The following DCAF1 variants were observed in gnomAD, a reference collection of about 807,000 sequenced individuals.
The protein encoded by DCAF1 is DDB1- and CUL4-associated factor 1.
In DCAF1, 15 loss-of-function variants were observed where a neutral mutation model predicts 128.0. That is an observed-to-expected ratio of 0.12 (90% CI 0.08 to 0.18). The LOEUF (loss-of-function observed/expected upper bound fraction) is 0.18, where lower values mean the gene tolerates loss of function less well. DCAF1 is among the 10% of genes least tolerant of loss of function. DCAF1 has a pLI of 1.00. For synonymous variants in DCAF1, 610 were observed against 603.0 expected (o/e 1.01, Z -0.17); for missense variants, 988 against 1,649.5 (o/e 0.60, Z 6.95).
intron 9 of DCAF1, among the ~76,000 whole-genome samples, chr3:51,440,546 T>A (rs1553638337): frequency 6.6e-6 from 1 of 152,188 alleles, no homozygotes; most frequent in African/African-American, 2.4e-5. Context: ...AAAGCCACAG[T>A]GAGCTATGAT....
chr3:51,432,073 C>A (rs1467603961), intron 10 of DCAF1, among the ~76,000 whole-genome samples: 1 of 151,426 alleles, frequency 6.6e-6, no homozygotes, highest in East Asian at 2.0e-4. Context: ...GAGTTCGAGA[C>A]CAGCCTGGCC....
Position 51,470,923 on chromosome 3 carries a change from T to G in DCAF1, c.187+6A>C, listed in dbSNP as rs782006635. 5.0e-6 allele frequency: 8 copies of G among 1,585,498 alleles called. No homozygotes were observed. In the South Asian group the frequency reaches 5.8e-5, roughly 11 times the overall value. On this transcript the variant is annotated splice_donor_region_variant and intron_variant, in intron 4 of 24. Coordinates refer to ENST00000684031, the MANE Select transcript of DCAF1 (RefSeq NM_001387579.1). Reference sequence around the variant, plus strand: ...AAAGACCCACACTTAAGAGCACAAATCTTACCAGGATGTCGATCATCAAAT... The same window carrying G: ...AAAGACCCACACTTAAGAGCACAAAGCTTACCAGGATGTCGATCATCAAAT...
intron 2 of DCAF1, among the ~76,000 whole-genome samples, chr3:51,484,682 C>CTTTTTT (rs1228009412): frequency 2.4e-5 from 3 of 127,070 alleles, no homozygotes; most frequent in South Asian, 2.5e-4. Flanking sequence ...TTAATTTTTT[C>CTTTTTT]TTTTTTTTTT....
At chr3:51,419,572 A>G (rs972328566) in intron 15 of DCAF1, among the ~76,000 whole-genome samples, 162 bp downstream of exon 15, 5 of 152,232 alleles carry the variant, frequency 3.3e-5, no homozygotes, top group African/African-American at 4.8e-5. Flanking sequence ...CAATCACACA[A>G]GGAACCCATG....
At chr3:51,470,332 G>A (rs143499992) in intron 4 of DCAF1, among the ~76,000 whole-genome samples, 6 of 152,270 alleles carry the variant, frequency 3.9e-5, no homozygotes, top group Admixed American at 1.3e-4. Context: ...AGGCCCAGGC[G>A]GGAGGATAGC....
At chr3:51,484,915 T>A (rs1706746843) in intron 2 of DCAF1, among the ~76,000 whole-genome samples, 1 of 148,826 alleles carries the variant, frequency 6.7e-6, no homozygotes, top group Non-Finnish European at 1.5e-5. Flanking sequence ...ACTCCGTTTT[T>A]TGTTTTGTTT....
chr3:51,425,676 C>A (rs1481114213), intron 13 of DCAF1, among the ~76,000 whole-genome samples: 2 of 150,814 alleles, frequency 1.3e-5, no homozygotes, highest in Non-Finnish European at 3.0e-5. Flanking sequence ...AATCCTCCCA[C>A]CTCAGCGTCC....
At chr3:51,418,091 C>T (rs781852875) in intron 17 of DCAF1, 25 bp downstream of exon 17, 4 of 1,601,160 alleles carry the variant, frequency 2.5e-6, no homozygotes, top group Non-Finnish European at 3.4e-6. Flanking sequence ...AAAGCACAGA[C>T]TAGGTTCCAA....
chr3:51,472,784 CCT>C (rs1208562043), intron 3 of DCAF1, among the ~76,000 whole-genome samples: 1 of 151,762 alleles, frequency 6.6e-6, no homozygotes, highest in Admixed American at 6.6e-5. Context: ...GCTGCCTCAG[CCT>C]CTTGAGTAGC....
intron 23 of DCAF1, among the ~76,000 whole-genome samples, chr3:51,410,707 G>T (rs921024378): frequency 6.6e-6 from 1 of 152,224 alleles, no homozygotes; most frequent in Non-Finnish European, 1.5e-5. Context: ...CTAAGAGAAA[G>T]CTATTACATT....
At chr3:51,499,540 C>T (rs1327250881) in intron 1 of DCAF1, among the ~76,000 whole-genome samples, 4 of 152,116 alleles carry the variant, frequency 2.6e-5, no homozygotes, top group African/African-American at 7.2e-5. Flanking sequence ...AAAAAGAAAA[C>T]AAGGGAAATG....
chr3:51,501,437 A>G (rs148409543), upstream of DCAF1, among the ~76,000 whole-genome samples: 42 of 152,212 alleles, frequency 2.8e-4, no homozygotes, highest in African/African-American at 7.9e-4. Flanking sequence ...GATCCTACCC[A>G]GCGTTCAAGG....
At chr3:51,505,494 T>C in the DCAF1 span, among the ~76,000 whole-genome samples, 1 of 152,288 alleles carries the variant, frequency 6.6e-6, no homozygotes, top group Non-Finnish European at 1.5e-5. Flanking sequence ...GACGGGAGTT[T>C]CTAGGTGTAG....
chr3:51,478,713 C>G (rs1411284234), intron 3 of DCAF1, among the ~76,000 whole-genome samples: 2 of 151,738 alleles, frequency 1.3e-5, no homozygotes, highest in African/African-American at 4.8e-5. Context: ...GGTCTTTAAC[C>G]TGTGGCCTCA....
intron 13 of DCAF1, among the ~76,000 whole-genome samples, chr3:51,423,005 C>A (rs9784248): frequency 6.6e-6 from 1 of 151,572 alleles, no homozygotes; most frequent in Non-Finnish European, 1.5e-5. Context: ...GAAGTTGAGG[C>A]TGTGGTGAGC....
chr3:51,411,606 A>G (rs1366715876), intron 23 of DCAF1, among the ~76,000 whole-genome samples: 1 of 152,232 alleles, frequency 6.6e-6, no homozygotes, highest in Non-Finnish European at 1.5e-5. Flanking sequence ...ATTTCTCAAA[A>G]GTATCAAAAT....
intron 4 of DCAF1, 105 bp from the exon 5 acceptor site, chr3:51,466,981 A>C: frequency 1.2e-6 from 1 of 817,460 alleles, no homozygotes; most frequent in South Asian, 1.6e-5. Flanking sequence ...AGCACTAATA[A>C]AATGCCAGCA....
chr3:51,459,990 C>T (rs1194285960), intron 6 of DCAF1, among the ~76,000 whole-genome samples: 10 of 152,106 alleles, frequency 6.6e-5, no homozygotes, highest in African/African-American at 1.2e-4. Context: ...CCTTTGAAAA[C>T]GGGCACAAGA....
At chr3:51,414,349 GATAA>G (rs1444661688) in intron 19 of DCAF1, among the ~76,000 whole-genome samples, 3 of 152,212 alleles carry the variant, frequency 2.0e-5, no homozygotes, top group Non-Finnish European at 2.9e-5. Context: ...TCTGAAGACA[GATAA>G]AAGCTAATTC....
Sources: gnomAD v4.1 joint callset for allele counts (sites outside exome capture counted in the v4.1 genomes callset) on GRCh38, gnomAD v4.1.1 for gene constraint, MANE v1.5 for transcripts, NCBI Gene and HGNC (gene_info 2026-07-23, HGNC 2026-07-21) for gene names.